Variants in VKORC1L1 observed in about 807,000 individuals in gnomAD.
VKORC1L1 encodes the protein vitamin K epoxide reductase complex subunit 1-like protein 1.
VKORC1L1 carries 2 observed loss-of-function variants against 18.9 expected under a neutral mutation model. That is an observed-to-expected ratio of 0.11 (90% CI 0.04 to 0.33). The LOEUF is 0.33. Among genes scored for constraint, VKORC1L1 ranks in the 10% least tolerant of loss-of-function variants. The pLI, the probability that VKORC1L1 is intolerant of heterozygous loss-of-function variation, is 1.00. For missense variants in VKORC1L1, 123 were observed against 224.1 expected (o/e 0.55, Z 2.88); for synonymous variants, 96 against 100.0 (o/e 0.96, Z 0.24).
At chr7:65,900,638 A>G (rs1789299570) in intron 1 of VKORC1L1, among the ~76,000 whole-genome samples, 1 of 151,928 alleles carries the variant, frequency 6.6e-6, no homozygotes, top group Admixed American at 6.6e-5. Flanking sequence ...CCCCATCTCT[A>G]CTAAAAATAC....
At chr7:65,921,533 G>T (rs933994616) in intron 1 of VKORC1L1, among the ~76,000 whole-genome samples, 1 of 151,888 alleles carries the variant, frequency 6.6e-6, no homozygotes, top group Non-Finnish European at 1.5e-5. Context: ...TTACAGGTGC[G>T]TGCCACCATG....
chr7:65,871,331 GT>G (rs969401927), upstream of VKORC1L1, among the ~76,000 whole-genome samples: 95 of 152,208 alleles, frequency 6.2e-4, no homozygotes, highest in African/African-American at 2.2e-3. Flanking sequence ...AAGTAGCTGG[GT>G]TTACAGGCAT....
At chr7:65,872,375 C>T (rs1460262525), upstream of VKORC1L1, among the ~76,000 whole-genome samples, 1 of 151,730 alleles carries the variant, frequency 6.6e-6, no homozygotes, top group African/African-American at 2.4e-5. Flanking sequence ...TGCAGTGGCA[C>T]GATCTTGGCT....
intron 1 of VKORC1L1, among the ~76,000 whole-genome samples, chr7:65,929,680 GTGTATATATATATA>G (rs1243267484): frequency 9.6e-6 from 1 of 103,774 alleles, no homozygotes. Flanking sequence ...ATGTGTGTGT[GTGTATATATATATA>G]TATATATATG....
At chr7:65,946,341 G>A (rs1311594033) in intron 1 of VKORC1L1, among the ~76,000 whole-genome samples, 1 of 152,098 alleles carries the variant, frequency 6.6e-6, no homozygotes, top group African/African-American at 2.4e-5. Flanking sequence ...CCTGGAAAAG[G>A]TCCTTCCCGA....
intron 2 of VKORC1L1, among the ~76,000 whole-genome samples, chr7:65,952,776 T>G (rs1042304359): frequency 8.4e-6 from 1 of 119,404 alleles, no homozygotes; most frequent in Admixed American, 1.2e-4. Flanking sequence ...CCTTTTTTTT[T>G]CCTTTTTTTT....
intron 1 of VKORC1L1, among the ~76,000 whole-genome samples, chr7:65,905,354 A>G (rs1179211564): frequency 1.3e-5 from 2 of 151,932 alleles, no homozygotes; most frequent in African/African-American, 4.8e-5. Flanking sequence ...TCTGTCATCC[A>G]GGCTGGAGTG....
chr7:65,931,528 A>G (rs955603685), intron 1 of VKORC1L1, among the ~76,000 whole-genome samples: 3 of 152,182 alleles, frequency 2.0e-5, no homozygotes, highest in African/African-American at 7.2e-5. Flanking sequence ...CTTAATGTAT[A>G]TAACTGTGTC....
At chr7:65,947,915 T>G (rs1227378059) in intron 1 of VKORC1L1, among the ~76,000 whole-genome samples, 1 of 152,178 alleles carries the variant, frequency 6.6e-6, no homozygotes, top group Non-Finnish European at 1.5e-5. Flanking sequence ...GGTCTCGAAC[T>G]CTTGACCTTG....
intron 1 of VKORC1L1, among the ~76,000 whole-genome samples, chr7:65,948,454 G>A (rs1447150381): frequency 1.6e-5 from 2 of 124,120 alleles, no homozygotes; most frequent in South Asian, 3.0e-4. Context: ...GGGTATACTG[G>A]CACCTTTAGA....
chr7:65,880,937 CAAA>C (rs1270547976), intron 1 of VKORC1L1, among the ~76,000 whole-genome samples: 6 of 152,114 alleles, frequency 3.9e-5, no homozygotes, highest in African/African-American at 1.2e-4. Context: ...TCCGAAAATC[CAAA>C]ATCTGAAATG....
At chr7:65,876,554 C>G (rs972020265) in intron 1 of VKORC1L1, among the ~76,000 whole-genome samples, 3 of 151,830 alleles carry the variant, frequency 2.0e-5, no homozygotes, top group African/African-American at 7.3e-5. Context: ...TCCCATTTTC[C>G]CATAAATCGG....
chr7:65,883,814 T>C (rs1788969054), intron 1 of VKORC1L1, among the ~76,000 whole-genome samples: 1 of 152,172 alleles, frequency 6.6e-6, no homozygotes, highest in Non-Finnish European at 1.5e-5. Flanking sequence ...GTTTATGTTA[T>C]AGATGCACAT....
At chr7:65,904,363 C>T (rs1458990524) in intron 1 of VKORC1L1, among the ~76,000 whole-genome samples, 1 of 152,092 alleles carries the variant, frequency 6.6e-6, no homozygotes, top group Non-Finnish European at 1.5e-5. Context: ...TGCCTCCACA[C>T]CCAGCTAATT....
chr7:65,903,890 A>G (rs1365181648), intron 1 of VKORC1L1, among the ~76,000 whole-genome samples: 1 of 152,196 alleles, frequency 6.6e-6, no homozygotes, highest in Non-Finnish European at 1.5e-5. Flanking sequence ...AGATCTTCAC[A>G]AAGGATTGAA....
chr7:65,929,462 C>G (rs1789821135), intron 1 of VKORC1L1, among the ~76,000 whole-genome samples: 1 of 151,986 alleles, frequency 6.6e-6, no homozygotes, highest in Non-Finnish European at 1.5e-5. Flanking sequence ...GTATTCTTCT[C>G]TGCTGATCAT....
At chr7:65,916,601 CT>C (rs869187039) in intron 1 of VKORC1L1, among the ~76,000 whole-genome samples, 335 of 143,246 alleles carry the variant, frequency 2.3e-3, no homozygotes, top group Middle Eastern at 7.2e-3. Flanking sequence ...TAGGAAACAT[CT>C]TTTTTTTTTT....
chr7:65,869,656 T>C (rs376746687), upstream of VKORC1L1, among the ~76,000 whole-genome samples: 5,091 of 145,624 alleles, frequency 0.035, 157 homozygotes, highest in East Asian at 0.089. Flanking sequence ...TTTTTTTTTT[T>C]TTTTTTTTTT....
intron 1 of VKORC1L1, among the ~76,000 whole-genome samples, chr7:65,925,801 A>G (rs746538525): frequency 4.0e-4 from 61 of 152,304 alleles, no homozygotes; most frequent in Middle Eastern, 6.8e-3. Flanking sequence ...GGAAACCCCA[A>G]GGAAATGAGA....
Sources: allele counts gnomAD v4.1 joint callset (sites outside exome capture counted in the v4.1 genomes callset), GRCh38; gene constraint gnomAD v4.1.1; transcripts MANE v1.5; gene names NCBI Gene and HGNC (gene_info 2026-07-23, HGNC 2026-07-21).